The following CADPS2 variants were observed in gnomAD, a reference collection of about 807,000 sequenced individuals.
CADPS2 encodes calcium dependent secretion activator 2.
In CADPS2, 93 loss-of-function variants were observed where a neutral mutation model predicts 172.5. That is an observed-to-expected ratio of 0.54 (90% CI 0.46 to 0.64). The LOEUF (loss-of-function observed/expected upper bound fraction) is 0.64. Ranked by LOEUF, CADPS2 falls within the 30% of genes least tolerant of loss-of-function variation. The pLI is 0.00. For missense variants in CADPS2, 1,420 were observed against 1,565.9 expected (o/e 0.91, Z 1.57); for synonymous variants, 546 against 555.2 (o/e 0.98, Z 0.23).
In CADPS2 at chr7:122,345,722, G is replaced by A. The variant is rs149384835; in HGVS notation, c.3505-41C>T. 931 of 1,194,494 alleles carry A rather than the reference G, an allele frequency of 7.8e-4. 5 individuals carry two copies. The African/African-American group carries it at 0.013, about 16-fold the overall frequency. The allele number at this position is 1,194,494 out of a possible 1,614,324, so 74.0% of individuals were successfully genotyped here. ...AGCAGGGGGAACAAAATAATATCAG[G>A]TCTCAATTGTGAAATTATTATTTAA... On this transcript the variant is annotated intron_variant, in intron 27 of 29. Transcript: ENST00000449022.
At chr7:122,624,694 GGGA>G (rs2075910700) in intron 4 of CADPS2, among the ~76,000 whole-genome samples, 1 of 152,176 alleles carries the variant, frequency 6.6e-6, no homozygotes, top group African/African-American at 2.4e-5. Flanking sequence ...TGGGAGAAAA[GGGA>G]GGGAGTCTAC....
At chr7:122,765,180 G>T (rs561364167) in intron 1 of CADPS2, among the ~76,000 whole-genome samples, 1 of 152,274 alleles carries the variant, frequency 6.6e-6, no homozygotes, top group South Asian at 2.1e-4. Flanking sequence ...GACAGATCAA[G>T]ATTTAGAAGG....
chr7:122,476,786 T>A (rs576387875), intron 12 of CADPS2, among the ~76,000 whole-genome samples: 1 of 152,296 alleles, frequency 6.6e-6, no homozygotes, highest in African/African-American at 2.4e-5. Context: ...GAAATCATTC[T>A]ATTTTTAAAA....
intron 2 of CADPS2, among the ~76,000 whole-genome samples, chr7:122,732,709 T>C (rs1018860537): frequency 2.1e-5 from 3 of 144,630 alleles, no homozygotes; most frequent in Non-Finnish European, 4.5e-5. Flanking sequence ...ATATATTATA[T>C]ATAATTATAT....
chr7:122,586,672 T>C (rs2069745044), intron 6 of CADPS2, among the ~76,000 whole-genome samples: 1 of 151,708 alleles, frequency 6.6e-6, no homozygotes, highest in South Asian at 2.1e-4. Context: ...GGAAGGGAGG[T>C]GGTGTCTCTG....
intron 8 of CADPS2, among the ~76,000 whole-genome samples, chr7:122,551,294 T>G (rs2064255508): frequency 6.6e-6 from 1 of 152,098 alleles, no homozygotes; most frequent in Non-Finnish European, 1.5e-5. Context: ...TTTGTATTAC[T>G]TTTCCCTTAA....
chr7:122,375,895 C>CAAA (rs555257466), intron 25 of CADPS2, among the ~76,000 whole-genome samples: 4 of 138,198 alleles, frequency 2.9e-5, no homozygotes, highest in Non-Finnish European at 3.2e-5. Flanking sequence ...ACTCAATAGC[C>CAAA]AAAAAAAAAA....
At chr7:122,668,072 A>G (rs1411082516) in intron 2 of CADPS2, among the ~76,000 whole-genome samples, 1 of 152,188 alleles carries the variant, frequency 6.6e-6, no homozygotes, top group Non-Finnish European at 1.5e-5. Context: ...ACCAGAGCAG[A>G]CACTGGGACA....
chr7:122,736,489 A>G (rs1399938931), intron 2 of CADPS2, among the ~76,000 whole-genome samples: 2 of 152,210 alleles, frequency 1.3e-5, no homozygotes, highest in African/African-American at 4.8e-5. Flanking sequence ...GAATCAGAAG[A>G]AACAGCAGAA....
At chr7:122,386,610 T>C (rs1029629486) in intron 24 of CADPS2, among the ~76,000 whole-genome samples, 2 of 152,062 alleles carry the variant, frequency 1.3e-5, no homozygotes, top group Non-Finnish European at 2.9e-5. Flanking sequence ...AACCTAAATT[T>C]TTAAAAATGG....
intron 1 of CADPS2, among the ~76,000 whole-genome samples, chr7:122,756,184 T>C (rs1373917649): frequency 6.6e-6 from 1 of 152,174 alleles, no homozygotes; most frequent in Admixed American, 6.5e-5. Flanking sequence ...TAACTGGCAG[T>C]GGAACACCAC....
rs536608815 is a variant in CADPS2 at position 122,593,647 on chromosome 7, C to T, written c.1224-12357G>A. On this transcript the variant is annotated intron_variant, in intron 6 of 29. Coordinates refer to ENST00000449022, the MANE Select transcript of CADPS2 (RefSeq NM_017954.11). The stretch of plus-strand genomic sequence containing the variant: ...CTTTAGCTTTACTAAATAATATCTA[C>T]CTGAAAAAATTGACAGTTTTGAATA... 2.0e-5 allele frequency among the ~76,000 whole-genome samples: 3 copies of T among 152,014 alleles called. No homozygotes were observed. In the South Asian group the frequency reaches 6.2e-4, roughly 32 times the overall value.
chr7:122,379,177 A>C (rs1194029349), intron 25 of CADPS2, 191 bp downstream of exon 25: 2 of 427,920 alleles, frequency 4.7e-6, no homozygotes, highest in Non-Finnish European at 8.4e-6. Context: ...TATTATATAC[A>C]AAAAAACAAA....
At chr7:122,625,217 A>C (rs186022644) in intron 4 of CADPS2, among the ~76,000 whole-genome samples, 1,549 of 151,878 alleles carry the variant, frequency 0.01, 26 homozygotes, top group African/African-American at 0.036. Context: ...CGCCCGGCTA[A>C]TTTTGTATTT....
intron 1 of CADPS2, among the ~76,000 whole-genome samples, chr7:122,770,912 A>T (rs958701703): frequency 6.6e-6 from 1 of 152,208 alleles, no homozygotes; most frequent in African/African-American, 2.4e-5. Context: ...AAAGCCAGGA[A>T]GCCAGGAAAA....
intron 15 of CADPS2, among the ~76,000 whole-genome samples, chr7:122,447,586 C>T (rs1404897159): frequency 9.2e-6 from 1 of 108,272 alleles, no homozygotes; most frequent in African/African-American, 3.2e-5. Flanking sequence ...CACAGTGTCA[C>T]TCCATCACCT....
At chr7:122,446,264 T>C (rs1285702249) in intron 15 of CADPS2, among the ~76,000 whole-genome samples, 3 of 152,224 alleles carry the variant, frequency 2.0e-5, no homozygotes, top group Non-Finnish European at 4.4e-5. Context: ...TTCTATATAC[T>C]TAAAATTTTT....
chr7:122,578,789 G>A (rs2068399322), intron 7 of CADPS2, among the ~76,000 whole-genome samples: 1 of 152,144 alleles, frequency 6.6e-6, no homozygotes, highest in South Asian at 2.1e-4. Flanking sequence ...TGGTAAATGG[G>A]AAAATAGTAA....
At chr7:122,684,238 TAAA>T (rs1369290643) in intron 2 of CADPS2, among the ~76,000 whole-genome samples, 1 of 152,134 alleles carries the variant, frequency 6.6e-6, no homozygotes, top group African/African-American at 2.4e-5. Context: ...TCGTTTCACT[TAAA>T]AATCACAGTT....
Sources: allele counts gnomAD v4.1 joint callset (sites outside exome capture counted in the v4.1 genomes callset), GRCh38; gene constraint gnomAD v4.1.1; transcripts MANE v1.5; gene names NCBI Gene and HGNC (gene_info 2026-07-23, HGNC 2026-07-21).